MPDZ: variants seen among roughly 807,000 people sequenced by gnomAD.
MPDZ encodes multiple PDZ domain crumbs cell polarity complex component, also known as multiple PDZ domain protein.
In MPDZ, 234 loss-of-function variants were observed where a neutral mutation model predicts 239.1. The ratio of observed to expected loss-of-function variants is 0.98; its 90% CI spans 0.88 to 1.09. The LOEUF (loss-of-function observed/expected upper bound fraction) is 1.09. Among genes scored for constraint, MPDZ ranks in the 50% least tolerant of loss-of-function variants. The pLI, the probability that MPDZ is intolerant of heterozygous loss-of-function variation, is 0.00. For synonymous variants in MPDZ, 1,048 were observed against 881.3 expected (o/e 1.19, Z -3.35); for missense variants, 3,175 against 2,510.0 (o/e 1.26, Z -5.66).
At chr9:13,261,030 A>C (rs775086044) in intron 1 of MPDZ, among the ~76,000 whole-genome samples, 4 of 152,214 alleles carry the variant, frequency 2.6e-5, no homozygotes, top group African/African-American at 7.2e-5. Context: ...AAGCCAATCT[A>C]AGTGCTGACA....
rs374947510 is a variant in MPDZ at position 13,274,747 on chromosome 9, AAGAC to A, written c.-58+4649_-58+4652del. On this transcript the variant is annotated intron_variant, in intron 1 of 46. Transcript: ENST00000319217. ...ATACATTACCCCACAAAACACGTAT[AAGAC>A]AGACAGTTTTTAGATCAATGGAATT... 1.5e-4 allele frequency: 23 copies of A among 152,272 alleles called. No individual in the cohort carries two copies. In the East Asian group the frequency reaches 2.5e-3, roughly 17 times the overall value. 9.4% of individuals were successfully genotyped at this position (152,272 alleles called of 1,614,324 possible).
Position 13,183,604 on chromosome 9 carries a change from T to C in MPDZ, c.2482-19A>G, listed in dbSNP as rs776149326. On this transcript the variant is annotated intron_variant, in intron 18 of 46. Transcript: ENST00000319217. ...TGCCCACCTAGAAACAAAACAATAA[T>C]ATCAGTTGGGAATTCTGTTCTATTA... 29 of 1,609,078 alleles carry C rather than the reference T, an allele frequency of 1.8e-5. 1 individual carries two copies. In the South Asian group the frequency reaches 2.6e-4, roughly 15 times the overall value.
Position 13,107,063 on chromosome 9 carries a change from C to T in MPDZ, c.6115G>A (p.Ala2039Thr), listed in dbSNP as rs140627050. ...GRLKRGDQII[A>T]VNGQSLEGVT... ...CCTTCTAGACTCTGCCCATTGACAG[C>T]AATGATCTGATCGCCCCTTTTCAGA... Residue 2039 changes from alanine to threonine, a missense_variant, in exon 47 of 47, where the codon GCT (alanine) becomes ACT (threonine). Physicochemically the swap from Ala to Thr is moderately conservative, Grantham distance 58. Transcript: ENST00000319217. The T allele has an allele frequency of 7.9e-5, 127 of 1,603,200 alleles. 1 individual carries two copies. The African/African-American group carries it at 1.5e-3, about 19-fold the overall frequency.
chr9:13,203,775 G>C (rs111442185), intron 12 of MPDZ, among the ~76,000 whole-genome samples: 79 of 145,900 alleles, frequency 5.4e-4, no homozygotes, highest in African/African-American at 1.7e-3. Context: ...CACACACACA[G>C]AGAGAGAAAG....
rs745999519 is a variant in MPDZ at position 13,219,779 on chromosome 9, C to T, written c.877-11G>A. On this transcript the variant is annotated splice_polypyrimidine_tract_variant and intron_variant, in intron 7 of 46. Coordinates refer to ENST00000319217, the MANE Select transcript of MPDZ (RefSeq NM_001378778.1). The stretch of plus-strand genomic sequence containing the variant: ...GCATAAACGCCCATGCTGAGTAAAA[C>T]AATATTGAATAATTAGACTATTATT... 5.6e-6 allele frequency: 9 copies of T among 1,610,152 alleles called. No individual in the cohort carries two copies. The highest frequency in any genetic ancestry group is 7.6e-6 in the Non-Finnish European group (9 of 1,177,300).
chr9:13,138,218 G>C, intron 28 of MPDZ, 65 bp from the exon 29 acceptor site: 1 of 1,379,464 alleles, frequency 7.2e-7, no homozygotes, highest in Non-Finnish European at 9.6e-7. Flanking sequence ...CTTTACTGTG[G>C]AAAGCTATTT....
Position 13,137,981 on chromosome 9 carries a change from C to T in MPDZ, c.4176G>A (p.Leu1392=). The change falls in exon 29 of 47, where the codon TTG becomes TTA. Residue 1392 remains leucine, a synonymous_variant. Coordinates refer to ENST00000319217, the MANE Select transcript of MPDZ (RefSeq NM_001378778.1). ...CCTCTAGAAGCTCATCTGCAATTTG[C>T]AATCGACCATCTTTTCCTGCAGCTC... ...PNGAAGKDGR[L]QIADELLEIN... is the part of the protein sequence containing the mutation. The T allele has an allele frequency of 6.2e-7, 1 of 1,613,770 alleles. No homozygotes were observed. Among genetic ancestry groups the T allele is most frequent in the East Asian group, 2.2e-5 (1 of 44,828 alleles).
In MPDZ at chr9:13,253,345, T is replaced by G. The variant is rs78948702; in HGVS notation, c.-57-2973A>C. 6.7e-3 allele frequency among the ~76,000 whole-genome samples: 1,024 copies of G among 152,260 alleles called. 24 individuals carry two copies. The East Asian group carries it at 0.068, about 10-fold the overall frequency. Reference sequence around the variant, plus strand: ...ATGTCCCTAAAATAAATGCATAGCTTTTTTTGAGATTTTTCAGGGGATTTC... The same window carrying G: ...ATGTCCCTAAAATAAATGCATAGCTGTTTTTGAGATTTTTCAGGGGATTTC... On this transcript the variant is annotated intron_variant, in intron 1 of 46. Transcript: ENST00000319217.
At chr9:13,261,363 G>T (rs1480126863) in intron 1 of MPDZ, among the ~76,000 whole-genome samples, 1 of 151,994 alleles carries the variant, frequency 6.6e-6, no homozygotes, top group Admixed American at 6.6e-5. Flanking sequence ...TTTTGCCAGA[G>T]GTATGTTGTA....
chr9:13,109,271 C>CA (rs376368175), intron 45 of MPDZ, among the ~76,000 whole-genome samples: 1 of 152,176 alleles, frequency 6.6e-6, no homozygotes, highest in Non-Finnish European at 1.5e-5. Context: ...TCCTACTTAA[C>CA]ACCCTAATTC....
intron 27 of MPDZ, chr9:13,140,909 G>C (rs1947569095): frequency 6.6e-6 from 1 of 152,100 alleles, no homozygotes; most frequent in African/African-American, 2.4e-5. Flanking sequence ...ATGCAGGCTT[G>C]TCTACCAGAG....
At chr9:13,153,064 T>C (rs1305982333) in intron 24 of MPDZ, among the ~76,000 whole-genome samples, 2 of 152,048 alleles carry the variant, frequency 1.3e-5, no homozygotes, top group African/African-American at 2.4e-5. Flanking sequence ...TAAGACAGCA[T>C]TGTCAAACAT....
chr9:13,278,238 T>C (rs772205749), intron 1 of MPDZ, among the ~76,000 whole-genome samples: 35 of 152,246 alleles, frequency 2.3e-4, no homozygotes, highest in Non-Finnish European at 4.7e-4. Context: ...GGTCCTCTTA[T>C]CTATCTGATG....
rs1238210221 is a variant in MPDZ at position 13,105,912 on chromosome 9, C to G, written c.*1053G>C. 6.6e-6 allele frequency: 1 copy of G among 152,158 alleles called. No homozygotes were observed. Among genetic ancestry groups the G allele is most frequent in the African/African-American group, 2.4e-5 (1 of 41,440 alleles). The allele number at this position is 152,158 out of a possible 1,614,324, so 9.4% of individuals were successfully genotyped here. A position where few individuals can be genotyped will look rare whatever the true frequency, so the allele number is the denominator to read the frequency against. ...CAGTTGTCTCAATAAACAGCTCCAT[C>G]TGTTTCCCTTAGTCTTAAACTATTG... On this transcript the variant is annotated 3_prime_UTR_variant, in exon 47 of 47. Transcript: ENST00000319217.
chr9:13,115,273 T>C lies in MPDZ; in HGVS notation c.5441A>G (p.Glu1814Gly). 1 of 1,612,658 alleles carries C rather than the reference T, an allele frequency of 6.2e-7. No homozygotes were observed. The highest frequency in any genetic ancestry group is 8.5e-7 in the Non-Finnish European group (1 of 1,179,820). Residue 1814 changes from glutamate (E) to glycine (G), a missense_variant, in exon 40 of 47, where the codon GAG becomes GGG. Transcript: ENST00000319217. ...GRIKAGPFHSERRPSQSSQVS... is the reference protein window; with the variant it reads ...GRIKAGPFHSGRRPSQSSQVS... Reference sequence around the variant, plus strand: ...CTGGCTGCTTTGAGATGGCCTCCTCTCTGAATGGAATGGACCAGCTTTGAT... The same window carrying C: ...CTGGCTGCTTTGAGATGGCCTCCTCCCTGAATGGAATGGACCAGCTTTGAT...
chr9:13,185,066 T>A (rs894621171), intron 18 of MPDZ, among the ~76,000 whole-genome samples: 7 of 152,044 alleles, frequency 4.6e-5, no homozygotes, highest in African/African-American at 1.7e-4. Flanking sequence ...TCAAAAAGTA[T>A]TTGCTATGGC....
chr9:13,180,131 T>C (rs1437194865), intron 19 of MPDZ, among the ~76,000 whole-genome samples: 8 of 152,168 alleles, frequency 5.3e-5, no homozygotes, highest in Admixed American at 4.6e-4. Flanking sequence ...TTTAGTTTTT[T>C]ATTCTAACCC....
At chr9:13,169,552 T>C (rs1409635745) in intron 21 of MPDZ, among the ~76,000 whole-genome samples, 2 of 152,156 alleles carry the variant, frequency 1.3e-5, no homozygotes, top group Non-Finnish European at 2.9e-5. Flanking sequence ...CAACACCTTC[T>C]CTTGCCTGAC....
intron 22 of MPDZ, 106 bp downstream of exon 22, chr9:13,168,259 AT>A (rs1470103569): frequency 1.0e-6 from 1 of 994,416 alleles, no homozygotes; most frequent in Non-Finnish European, 1.5e-6. Context: ...GTTAAAAAAA[AT>A]GTGATAACGT....
Sources: gnomAD v4.1 joint callset for allele counts (sites outside exome capture counted in the v4.1 genomes callset) on GRCh38, gnomAD v4.1.1 for gene constraint, MANE v1.5 for transcripts, NCBI Gene and HGNC (gene_info 2026-07-23, HGNC 2026-07-21) for gene names.